The following NRXN3 variants were observed in gnomAD, a reference collection of about 807,000 sequenced individuals.
NRXN3 encodes neurexin 3.
NRXN3 carries 32 observed loss-of-function variants against 137.6 expected under a neutral mutation model. That is an observed-to-expected ratio of 0.23 (90% confidence interval 0.18 to 0.31). The LOEUF (loss-of-function observed/expected upper bound fraction) is 0.31. Among genes scored for constraint, NRXN3 ranks in the 10% least tolerant of loss-of-function variants. The probability of loss-of-function intolerance (pLI) is 1.00; values close to 1 mark genes in which losing one functional copy is unlikely to be tolerated. For synonymous variants in NRXN3, 798 were observed against 784.5 expected (o/e 1.02, Z -0.29); for missense variants, 1,574 against 2,062.5 (o/e 0.76, Z 4.59).
intron 4 of NRXN3, among the ~76,000 whole-genome samples, chr14:78,533,116 T>C (rs1034874285): frequency 2.0e-5 from 3 of 150,328 alleles, no homozygotes; most frequent in Non-Finnish European, 4.4e-5. Flanking sequence ...TTTTTTTTTT[T>C]TGAGATGGAG....
rs146767312 is a variant in NRXN3 at position 79,206,448 on chromosome 14, G to A, written c.3262+218307G>A. 2.0e-3 allele frequency among the ~76,000 whole-genome samples: 297 copies of A among 152,218 alleles called. 5 individuals are homozygous for A. Among genetic ancestry groups the A allele is most frequent in the African/African-American group, 6.9e-3 (288 of 41,542 alleles). ...TTACTGGCTGTGTGTCAGTGACAAG[G>A]GTCCATCATCTCTTCTTGACTATAA... is the stretch of plus-strand genomic sequence containing the variant. On this transcript the variant is annotated intron_variant, in intron 15 of 20. Coordinates refer to ENST00000335750, the MANE Select transcript of NRXN3 (RefSeq NM_001330195.2).
At chr14:79,381,740 G>A (rs1171876472) in intron 15 of NRXN3, among the ~76,000 whole-genome samples, 1 of 152,106 alleles carries the variant, frequency 6.6e-6, no homozygotes, top group Non-Finnish European at 1.5e-5. Flanking sequence ...ACCTTCCAGA[G>A]TGTTCCATAA....
Position 78,216,627 on chromosome 14 carries a change from G to A in NRXN3, c.-703-25764G>A, listed in dbSNP as rs57617792. 4.0e-3 allele frequency among the ~76,000 whole-genome samples: 609 copies of A among 152,356 alleles called. 34 individuals carry two copies. In the East Asian group the frequency reaches 0.1, roughly 26 times the overall value. ...GAAGACCTCCCCAGCAATGCAGCGA[G>A]TTTGAAAAGGAGCATAGCTTTATGC... On this transcript the variant is annotated intron_variant, in intron 1 of 20. Transcript: ENST00000335750.
intron 4 of NRXN3, among the ~76,000 whole-genome samples, chr14:78,514,416 A>G (rs1373747426): frequency 6.6e-6 from 1 of 152,102 alleles, no homozygotes; most frequent in African/African-American, 2.4e-5. Flanking sequence ...ATATGCAAGG[A>G]GTCTTGGGTG....
At chr14:78,990,795 G>A (rs141588607) in intron 15 of NRXN3, among the ~76,000 whole-genome samples, 133 of 152,216 alleles carry the variant, frequency 8.7e-4, no homozygotes, top group African/African-American at 3.0e-3. Context: ...TACATTGGAC[G>A]TTTCTGTTTC....
chr14:78,262,584 C>G (rs2153476398), intron 2 of NRXN3, among the ~76,000 whole-genome samples: 2 of 152,204 alleles, frequency 1.3e-5, no homozygotes, highest in South Asian at 4.2e-4. Flanking sequence ...CCTGAAAATT[C>G]CCAAATAGCT....
rs373071514 is a variant in NRXN3, at chr14:79,540,283, T to A, written c.3444+72881T>A. 5.3e-5 allele frequency among the ~76,000 whole-genome samples: 8 copies of A among 152,084 alleles called. No homozygotes were observed. The East Asian group carries it at 1.5e-3, about 29-fold the overall frequency. On this transcript the variant is annotated intron_variant, in intron 16 of 20. Coordinates refer to ENST00000335750, the MANE Select transcript of NRXN3 (RefSeq NM_001330195.2). ...GGTATTATGCATATAAATATTTTCT[T>A]AAGTTTTGTTTTTAATTAACACATA...
intron 10 of NRXN3, among the ~76,000 whole-genome samples, chr14:78,837,044 C>T (rs558640907): frequency 1.3e-4 from 20 of 152,230 alleles, no homozygotes; most frequent in African/African-American, 4.8e-4. Context: ...TACTGTCCAC[C>T]CCCCATCCTT....
intron 8 of NRXN3, chr14:78,745,111 C>T (rs2098601132): frequency 6.6e-6 from 1 of 152,208 alleles, no homozygotes; most frequent in African/African-American, 2.4e-5. Flanking sequence ...GTCAGCATGA[C>T]TTGCACTTGT....
At chr14:79,760,737 G>A (rs906801365) in intron 19 of NRXN3, 30 of 151,198 alleles carry the variant, frequency 2.0e-4, no homozygotes, top group African/African-American at 6.9e-4. Flanking sequence ...AAGCAAAAGA[G>A]CTTCATAGAG....
intron 16 of NRXN3, among the ~76,000 whole-genome samples, chr14:79,624,787 T>C (rs1338755572): frequency 1.4e-5 from 2 of 139,454 alleles, no homozygotes. Flanking sequence ...TCTCTTTCTT[T>C]CCCGTTTTTT....
chr14:78,508,825 G>C (rs1046697137), intron 4 of NRXN3, among the ~76,000 whole-genome samples: 1 of 151,880 alleles, frequency 6.6e-6, no homozygotes, highest in African/African-American at 2.4e-5. Context: ...CACTTAAAAT[G>C]GTACATTTTA....
chr14:78,809,765 T>C (rs1364656088), intron 9 of NRXN3, among the ~76,000 whole-genome samples: 2 of 152,168 alleles, frequency 1.3e-5, no homozygotes, highest in African/African-American at 4.8e-5. Context: ...AAGGGTTAAG[T>C]ACGTCACTGA....
intron 15 of NRXN3, among the ~76,000 whole-genome samples, chr14:79,388,099 T>C (rs1009113147): frequency 7.5e-6 from 1 of 132,550 alleles, no homozygotes; most frequent in East Asian, 2.0e-4. Flanking sequence ...ACTTAAAGTA[T>C]AATAAAAAAA....
At chr14:79,259,332 A>C (rs1172612850) in intron 15 of NRXN3, among the ~76,000 whole-genome samples, 2 of 151,946 alleles carry the variant, frequency 1.3e-5, no homozygotes, top group Non-Finnish European at 2.9e-5. Context: ...TCTATCTTCC[A>C]GCTTTTTTTT....
At position 78,426,075 on chromosome 14, in the gene NRXN3, G is replaced by T. The variant is rs66607952; in HGVS notation, c.757+128215G>T. The stretch of plus-strand genomic sequence containing the variant: ...CCCTGAGGCCAGCAGGACCATCCTG[G>T]GGAGCACAGGGGCCTGTCTGCTTCT... On this transcript the variant is annotated intron_variant, in intron 4 of 20. Transcript: ENST00000335750. 1.4e-4 allele frequency among the ~76,000 whole-genome samples: 22 copies of T among 152,250 alleles called. No homozygotes were observed. In the East Asian group the frequency reaches 3.9e-3, roughly 27 times the overall value.
At chr14:79,624,067 T>A (rs978947742) in intron 16 of NRXN3, among the ~76,000 whole-genome samples, 2 of 152,120 alleles carry the variant, frequency 1.3e-5, no homozygotes, top group Admixed American at 6.5e-5. Flanking sequence ...AAGACTGCCT[T>A]TGGTTGACAC....
intron 16 of NRXN3, among the ~76,000 whole-genome samples, chr14:79,481,823 G>A (rs1164403212): frequency 6.6e-6 from 1 of 152,082 alleles, no homozygotes; most frequent in African/African-American, 2.4e-5. Flanking sequence ...TGGGGGATGG[G>A]TGCTGCTGAT....
intron 4 of NRXN3, among the ~76,000 whole-genome samples, chr14:78,624,085 G>C (rs972579638): frequency 6.6e-6 from 1 of 152,170 alleles, no homozygotes; most frequent in Non-Finnish European, 1.5e-5. Context: ...ATTTTCTATG[G>C]ACTATGATTG....
Sources: allele counts gnomAD v4.1 joint callset (sites outside exome capture counted in the v4.1 genomes callset), GRCh38; gene constraint gnomAD v4.1.1; transcripts MANE v1.5; gene names NCBI Gene and HGNC (gene_info 2026-07-23, HGNC 2026-07-21).